DLGAP2: variants seen among roughly 807,000 people sequenced by gnomAD.
DLGAP2 encodes the protein DLG associated protein 2.
A neutral mutation model predicts 100.3 loss-of-function variants in DLGAP2; 26 were observed. The ratio of observed to expected loss-of-function variants is 0.26; its 90% CI spans 0.19 to 0.36. DLGAP2 has a LOEUF of 0.36. Among genes scored for constraint, DLGAP2 ranks in the 10% least tolerant of loss-of-function variants. The pLI, the probability that DLGAP2 is intolerant of heterozygous loss-of-function variation, is 1.00. For missense variants in DLGAP2, 1,858 were observed against 1,453.2 expected, an observed-to-expected ratio of 1.28 and a Z score of -4.53; for synonymous variants, 886 against 630.1, an observed-to-expected ratio of 1.41 and a Z score of -6.08.
At chr8:1,187,371 G>A (rs149265644) in intron 2 of DLGAP2, among the ~76,000 whole-genome samples, 7,865 of 116,632 alleles carry the variant, frequency 0.067, 651 homozygotes, top group African/African-American at 0.21. Context: ...AATCTCACAC[G>A]CCCGGGACCT....
intron 3 of DLGAP2, among the ~76,000 whole-genome samples, chr8:1,463,840 G>A (rs1234180074): frequency 6.6e-6 from 1 of 152,226 alleles, no homozygotes; most frequent in Non-Finnish European, 1.5e-5. Context: ...TGTGGTTTGA[G>A]CTGATTCACA....
At chr8:1,174,938 C>G (rs934859627) in intron 2 of DLGAP2, among the ~76,000 whole-genome samples, 2 of 149,992 alleles carry the variant, frequency 1.3e-5, no homozygotes, top group African/African-American at 2.5e-5. Flanking sequence ...CATCACCCTT[C>G]TTATGATGAT....
chr8:1,693,003 AATC>A (rs1799292264), intron 13 of DLGAP2, among the ~76,000 whole-genome samples: 1 of 148,286 alleles, frequency 6.7e-6, no homozygotes, highest in Non-Finnish European at 1.5e-5. Context: ...ACAAGATTAT[AATC>A]ATATGCATCT....
intron 1 of DLGAP2, among the ~76,000 whole-genome samples, chr8:750,319 G>A (rs908438110): frequency 2.0e-5 from 3 of 152,208 alleles, no homozygotes; most frequent in South Asian, 2.1e-4. Flanking sequence ...CAGGGAGGAC[G>A]TCACAGGAAA....
intron 1 of DLGAP2, among the ~76,000 whole-genome samples, chr8:792,671 G>C (rs2132641798): frequency 6.6e-6 from 1 of 152,282 alleles, no homozygotes; most frequent in East Asian, 1.9e-4. Context: ...ATCTTAGTTA[G>C]AAAGTTATTT....
chr8:864,436 A>G (rs991475199), intron 1 of DLGAP2, among the ~76,000 whole-genome samples: 2 of 152,244 alleles, frequency 1.3e-5, no homozygotes, highest in African/African-American at 4.8e-5. Context: ...GGAACATCTC[A>G]CTGTGCCCCA....
rs577924716 is a variant in DLGAP2 at position 1,626,950 on chromosome 8, C to A, written c.1590+63C>A. The A allele has an allele frequency of 2.6e-4, 399 of 1,526,884 alleles. 3 individuals are homozygous for A. The African/African-American group carries it at 4.1e-3, about 16-fold the overall frequency. 94.6% of individuals were successfully genotyped at this position (1,526,884 alleles called of 1,614,324 possible). A position where few individuals can be genotyped will look rare whatever the true frequency, so the allele number is the denominator to read the frequency against. On this transcript the variant is annotated intron_variant, in intron 7 of 14. Coordinates refer to ENST00000637795, the MANE Select transcript of DLGAP2 (RefSeq NM_001346810.2). ...CTCCCCAGCCAGGCTGGCACGGAGGCCCCGGCCGCATAGGTGGCGATGGCG... is the reference window on the plus strand; with the variant it reads ...CTCCCCAGCCAGGCTGGCACGGAGGACCCGGCCGCATAGGTGGCGATGGCG...
intron 6 of DLGAP2, among the ~76,000 whole-genome samples, chr8:1,579,295 C>T (rs139270897): frequency 1.3e-5 from 2 of 152,002 alleles, no homozygotes; most frequent in African/African-American, 4.8e-5. Context: ...AATATGTAAG[C>T]ATTAAAATCG....
At chr8:1,135,135 A>G (rs934553428) in intron 2 of DLGAP2, among the ~76,000 whole-genome samples, 2 of 152,150 alleles carry the variant, frequency 1.3e-5, no homozygotes, top group African/African-American at 4.8e-5. Flanking sequence ...CTGGGATTTG[A>G]CAGTTTTTTT....
intron 3 of DLGAP2, among the ~76,000 whole-genome samples, chr8:1,275,446 A>G (rs548680238): frequency 1.3e-5 from 2 of 151,514 alleles, no homozygotes; most frequent in African/African-American, 4.8e-5. Context: ...GGCCTTGGAC[A>G]CTGGTCCTGG....
At chr8:1,558,886 A>G (rs1452879779) in intron 5 of DLGAP2, among the ~76,000 whole-genome samples, 1 of 152,182 alleles carries the variant, frequency 6.6e-6, no homozygotes, top group Non-Finnish European at 1.5e-5. Context: ...CTTTACACAC[A>G]CACACACACG....
chr8:1,283,004 A>C (rs112959798), intron 3 of DLGAP2, among the ~76,000 whole-genome samples: 15 of 93,192 alleles, frequency 1.6e-4, no homozygotes, highest in Admixed American at 3.9e-4. Flanking sequence ...CCTGAACCAT[A>C]CGGACATGGT....
chr8:1,345,644 C>T (rs754872909), intron 3 of DLGAP2, among the ~76,000 whole-genome samples: 3 of 152,126 alleles, frequency 2.0e-5, no homozygotes, highest in Non-Finnish European at 4.4e-5. Flanking sequence ...GCACAGCAGC[C>T]CTGAGGGATG....
At chr8:887,254 C>T (rs780191162) in intron 1 of DLGAP2, among the ~76,000 whole-genome samples, 2 of 151,890 alleles carry the variant, frequency 1.3e-5, no homozygotes, top group Non-Finnish European at 2.9e-5. Context: ...TTATTTTGAG[C>T]CTACATGTGT....
chr8:1,425,420 G>A (rs1797211141), intron 3 of DLGAP2, among the ~76,000 whole-genome samples: 1 of 152,178 alleles, frequency 6.6e-6, no homozygotes, highest in South Asian at 2.1e-4. Context: ...CATCGCCCAT[G>A]GTACCAGGGA....
chr8:1,129,493 T>C (rs1796241608), intron 2 of DLGAP2, among the ~76,000 whole-genome samples: 1 of 152,186 alleles, frequency 6.6e-6, no homozygotes, highest in South Asian at 2.1e-4. Context: ...GCAAGTCTTA[T>C]CACTCACATT....
chr8:739,987 G>T (rs1820441944), intron 1 of DLGAP2: 1 of 152,194 alleles, frequency 6.6e-6, no homozygotes, highest in Non-Finnish European at 1.5e-5. Flanking sequence ...TCTGCTCTCA[G>T]TGATGACCTG....
chr8:892,546 G>A (rs1798057826), intron 1 of DLGAP2, among the ~76,000 whole-genome samples: 1 of 147,346 alleles, frequency 6.8e-6, no homozygotes, highest in South Asian at 2.1e-4. Flanking sequence ...GGCTGGGGAG[G>A]GGGCGTGGGA....
chr8:1,378,110 G>A (rs1796001274), intron 3 of DLGAP2: 1 of 157,942 alleles, frequency 6.3e-6, no homozygotes, highest in Non-Finnish European at 1.4e-5. Flanking sequence ...GTGCACACCT[G>A]GCCTCACTTG....
Sources: allele counts gnomAD v4.1 joint callset (sites outside exome capture counted in the v4.1 genomes callset), GRCh38; gene constraint gnomAD v4.1.1; transcripts MANE v1.5; gene names NCBI Gene and HGNC (gene_info 2026-07-23, HGNC 2026-07-21).